Variants in STK35 observed in about 807,000 individuals in gnomAD.
The protein encoded by STK35 is serine/threonine-protein kinase 35.
STK35 carries 17 observed loss-of-function variants against 37.3 expected under a neutral mutation model. The ratio of observed to expected loss-of-function variants is 0.46; its 90% CI spans 0.31 to 0.68. STK35 has a LOEUF of 0.68. Ranked by LOEUF, STK35 falls within the 30% of genes least tolerant of loss-of-function variation. STK35 has a pLI of 0.05. For synonymous variants in STK35, 385 were observed against 319.1 expected (o/e 1.21, Z -2.20); for missense variants, 595 against 746.7 (o/e 0.80, Z 2.37).
At position 2,117,559 on chromosome 20, in the gene STK35, C is replaced by T. The variant is rs1322303746; in HGVS notation, c.*37+144C>T. 3 of 537,578 alleles carry T rather than the reference C, an allele frequency of 5.6e-6. No homozygotes were observed. Among genetic ancestry groups the T allele is most frequent in the Non-Finnish European group, 9.7e-6 (3 of 308,500 alleles). The allele number at this position is 537,578 out of a possible 1,614,324, so 33.3% of individuals were successfully genotyped here. On this transcript the variant is annotated intron_variant, in intron 3 of 3. Transcript: ENST00000381482. This position sits in a 1 kb window ranked among gnomAD's most constrained non-coding sequence, Gnocchi z 4.4. ...TCCCGAGTTCAAGTGATTCTCGTGC[C>T]TCAGCCACCTGGGTAGCTGGGATTA...
chr20:2,103,160 G>A lies in STK35; in HGVS notation c.687G>A (p.Ala229=). The change falls in exon 2 of 4, where the codon GCG becomes GCA. Residue 229 remains alanine (A), a synonymous_variant. Transcript: ENST00000381482. ...CCGGGCGCAGCGGGGCCCGGGTGGCGGTCAAGAAGATCCGCTGCGACGCCC... is the reference window on the plus strand; with the variant it reads ...CCGGGCGCAGCGGGGCCCGGGTGGCAGTCAAGAAGATCCGCTGCGACGCCC... The part of the protein sequence containing the change: ...AVAGRSGARV[A]VKKIRCDAPE... The A allele has an allele frequency of 6.2e-7, 1 of 1,606,696 alleles. No homozygotes were observed. Among genetic ancestry groups the A allele is most frequent in the South Asian group, 1.1e-5 (1 of 90,770 alleles).
At chr20:2,131,745 C>T (rs1178481971) in intron 3 of STK35, among the ~76,000 whole-genome samples, 7 of 152,118 alleles carry the variant, frequency 4.6e-5, no homozygotes, top group South Asian at 2.1e-4. Flanking sequence ...AAGACAGGGT[C>T]GCGCTCTGTC....
chr20:2,117,539 A>C lies in STK35; in HGVS notation c.*37+124A>C. On this transcript the variant is annotated intron_variant, in intron 3 of 3. Transcript: ENST00000381482. The surrounding 1 kb of genome is among the most constrained non-coding windows in gnomAD (Gnocchi z 4.4). Reference sequence around the variant, plus strand: ...AGCTCACTGCAACCTCCACCTCCCGAGTTCAAGTGATTCTCGTGCCTCAGC... The same window carrying C: ...AGCTCACTGCAACCTCCACCTCCCGCGTTCAAGTGATTCTCGTGCCTCAGC... 1 of 556,182 alleles carries C rather than the reference A, an allele frequency of 1.8e-6. No individual in the cohort carries two copies. Among genetic ancestry groups the C allele is most frequent in the Admixed American group, 3.4e-5 (1 of 29,432 alleles). 34.5% of individuals were successfully genotyped at this position (556,182 alleles called of 1,614,324 possible). A position where few individuals can be genotyped will look rare whatever the true frequency, so the allele number is the denominator to read the frequency against.
intron 2 of STK35, among the ~76,000 whole-genome samples, chr20:2,115,181 C>T (rs1203173755): frequency 2.0e-5 from 3 of 152,022 alleles, no homozygotes; most frequent in Non-Finnish European, 4.4e-5. Flanking sequence ...TGATCAAAAA[C>T]CTAAAGCTTT....
chr20:2,104,286 C>T (rs1985471463), intron 2 of STK35, among the ~76,000 whole-genome samples: 2 of 152,100 alleles, frequency 1.3e-5, no homozygotes, highest in Admixed American at 6.6e-5. Context: ...GGAGACTTTC[C>T]GAGGCAGGAG....
At chr20:2,141,554 G>A (rs955070893) in intron 3 of STK35, among the ~76,000 whole-genome samples, 1 of 152,158 alleles carries the variant, frequency 6.6e-6, no homozygotes, top group African/African-American at 2.4e-5. Flanking sequence ...AGCTTTTCTT[G>A]TTCATTAAAG....
At chr20:2,130,463 G>A (rs1473652063) in intron 3 of STK35, among the ~76,000 whole-genome samples, 7 of 152,096 alleles carry the variant, frequency 4.6e-5, no homozygotes, top group South Asian at 4.1e-4. Context: ...AGAACATGGC[G>A]TTTTGTTGTT....
At chr20:2,127,145 A>G (rs952176217) in intron 3 of STK35, among the ~76,000 whole-genome samples, 1 of 152,118 alleles carries the variant, frequency 6.6e-6, no homozygotes, top group African/African-American at 2.4e-5. Flanking sequence ...AGTATTGATT[A>G]TCTATTTTAA....
chr20:2,118,889 C>T (rs1018604068), intron 3 of STK35, among the ~76,000 whole-genome samples: 9 of 152,210 alleles, frequency 5.9e-5, no homozygotes, highest in African/African-American at 2.2e-4. Context: ...CCATACATGT[C>T]ATCTAGGTGT....
chr20:2,105,076 G>C (rs1368992588), intron 2 of STK35, among the ~76,000 whole-genome samples: 1 of 151,382 alleles, frequency 6.6e-6, no homozygotes, highest in Non-Finnish European at 1.5e-5. Context: ...AGGATCAGTT[G>C]AGCCTGGGAG....
chr20:2,143,519 A>G (rs1048419071), intron 3 of STK35, among the ~76,000 whole-genome samples: 1 of 152,252 alleles, frequency 6.6e-6, no homozygotes, highest in Non-Finnish European at 1.5e-5. Context: ...AGCTAGAGCC[A>G]GCAAGCTTGG....
At chr20:2,133,460 T>C (rs946081182) in intron 3 of STK35, among the ~76,000 whole-genome samples, 1 of 152,254 alleles carries the variant, frequency 6.6e-6, no homozygotes, top group Non-Finnish European at 1.5e-5. Context: ...AACTGCCAAT[T>C]ACCTGGGCTG....
At chr20:2,132,573 C>T (rs1360250739) in intron 3 of STK35, among the ~76,000 whole-genome samples, 1 of 152,192 alleles carries the variant, frequency 6.6e-6, no homozygotes, top group Admixed American at 6.5e-5. Flanking sequence ...GAGTCAGTAA[C>T]AATGAGGGGA....
Position 2,146,669 on chromosome 20 carries a change from T to A in STK35, c.*2923T>A, listed in dbSNP as rs1986273777. On this transcript the variant is annotated 3_prime_UTR_variant, in exon 4 of 4. Coordinates refer to ENST00000381482, the MANE Select transcript of STK35 (RefSeq NM_080836.4). ...TGTCCTCTGTCACTTGCTCTTTCAC[T>A]CTCTCTCTCATTCCCAGAGAGCCAC... 1 of 152,614 alleles carries A rather than the reference T, an allele frequency of 6.6e-6. No homozygotes were observed. Among genetic ancestry groups the A allele is most frequent in the Non-Finnish European group, 1.5e-5 (1 of 68,110 alleles). 9.5% of individuals were successfully genotyped at this position (152,614 alleles called of 1,614,324 possible). A position where few individuals can be genotyped will look rare whatever the true frequency, so the allele number is the denominator to read the frequency against.
At chr20:2,112,523 G>A (rs1458473865) in intron 2 of STK35, among the ~76,000 whole-genome samples, 4 of 152,266 alleles carry the variant, frequency 2.6e-5, no homozygotes, top group East Asian at 3.9e-4. Context: ...TTAGCCCTCT[G>A]TGAGCTGGGA....
intron 3 of STK35, among the ~76,000 whole-genome samples, chr20:2,133,500 G>T (rs1986033572): frequency 2.0e-5 from 3 of 152,230 alleles, no homozygotes; most frequent in African/African-American, 7.2e-5. Flanking sequence ...CCCCTTAGTT[G>T]GTGTTGGGTT....
At chr20:2,130,922 A>G (rs1381190748) in intron 3 of STK35, among the ~76,000 whole-genome samples, 2 of 152,164 alleles carry the variant, frequency 1.3e-5, no homozygotes, top group Non-Finnish European at 2.9e-5. Flanking sequence ...AGGTTGTGTC[A>G]TCTGCCTGCT....
intron 3 of STK35, among the ~76,000 whole-genome samples, chr20:2,129,467 C>T (rs1985961926): frequency 6.6e-6 from 1 of 152,146 alleles, no homozygotes; most frequent in Non-Finnish European, 1.5e-5. Flanking sequence ...CGAGAATTAG[C>T]ATCTCGGAAT....
intron 3 of STK35, among the ~76,000 whole-genome samples, chr20:2,141,906 A>G (rs1007921442): frequency 6.6e-6 from 1 of 152,174 alleles, no homozygotes; most frequent in East Asian, 1.9e-4. Context: ...GTGAGTTGTT[A>G]TATTTCAGTG....
Sources: gnomAD v4.1 joint callset for allele counts (sites outside exome capture counted in the v4.1 genomes callset) on GRCh38, gnomAD v4.1.1 for gene constraint, Gnocchi (gnomAD v3.1) non-coding constraint, MANE v1.5 for transcripts, NCBI Gene and HGNC (gene_info 2026-07-23, HGNC 2026-07-21) for gene names.